Variants in COL23A1 observed in about 807,000 individuals in gnomAD.
COL23A1 encodes collagen type XXIII alpha 1 chain.
A neutral mutation model predicts 99.3 loss-of-function variants in COL23A1; 97 were observed. The observed-to-expected ratio is 0.98, with a 90% CI of 0.83 to 1.16. COL23A1 has a LOEUF of 1.16. COL23A1 is among the 50% of genes most tolerant of loss of function. The pLI, the probability that COL23A1 is intolerant of heterozygous loss-of-function variation, is 0.00. For missense variants in COL23A1, 762 were observed against 757.4 expected (o/e 1.01, Z -0.07); for synonymous variants, 320 against 308.2 (o/e 1.04, Z -0.40).
At chr5:178,555,494 G>C (rs1762222282) in intron 2 of COL23A1, among the ~76,000 whole-genome samples, 1 of 152,194 alleles carries the variant, frequency 6.6e-6, no homozygotes. Flanking sequence ...GAAGAGCTGA[G>C]AGAGGAGAGC....
chr5:178,316,014 C>T (rs909532294), intron 2 of COL23A1, among the ~76,000 whole-genome samples: 24 of 152,146 alleles, frequency 1.6e-4, no homozygotes, highest in Admixed American at 1.4e-3. Context: ...TGTATTACTG[C>T]GGAAACTGTG....
chr5:178,252,502 A>G lies in COL23A1; in HGVS notation c.1014+42T>C, dbSNP rs779852843. On this transcript the variant is annotated intron_variant, in intron 17 of 28. Transcript: ENST00000390654. ...ACAGGAAGAGGGAGGTGGGCCCTGG[A>G]GACAAATGCTTGGGGGACCACATAG... 3.2e-6 allele frequency: 5 copies of G among 1,579,640 alleles called. No individual in the cohort carries two copies. The Admixed American group carries it at 5.2e-5, about 16-fold the overall frequency.
intron 1 of COL23A1, among the ~76,000 whole-genome samples, chr5:178,580,670 C>T (rs995672723): frequency 1.2e-4 from 19 of 152,164 alleles, no homozygotes; most frequent in Non-Finnish European, 2.2e-4. Context: ...GTTCACATAA[C>T]GACAAATCAC....
chr5:178,249,716 A>ACACACACACACACACTCACTCTCTCTCT, intron 18 of COL23A1, among the ~76,000 whole-genome samples: 3 of 92,808 alleles, frequency 3.2e-5, no homozygotes, highest in African/African-American at 8.5e-5. Context: ...ACACACACAC[A>ACACACACACACACACTCACTCTCTCTCT]CTCTCTCTCT....
chr5:178,505,544 C>T (rs1001113994), intron 2 of COL23A1, among the ~76,000 whole-genome samples: 1 of 152,148 alleles, frequency 6.6e-6, no homozygotes, highest in African/African-American at 2.4e-5. Flanking sequence ...AGCCACCATG[C>T]CCCTGCCTAA....
intron 2 of COL23A1, among the ~76,000 whole-genome samples, chr5:178,489,281 C>T (rs1381650213): frequency 6.6e-6 from 1 of 152,208 alleles, no homozygotes; most frequent in Admixed American, 6.5e-5. Flanking sequence ...TCCTCCTGCC[C>T]TTGGACATCA....
intron 2 of COL23A1, among the ~76,000 whole-genome samples, chr5:178,334,260 T>C (rs1760197981): frequency 1.3e-5 from 2 of 152,168 alleles, no homozygotes; most frequent in Non-Finnish European, 2.9e-5. Context: ...CAGTGCTGGG[T>C]GTGTCCACAT....
chr5:178,452,800 G>A (rs1767561593), intron 2 of COL23A1, among the ~76,000 whole-genome samples: 1 of 152,180 alleles, frequency 6.6e-6, no homozygotes, highest in Non-Finnish European at 1.5e-5. Flanking sequence ...AATACATGGA[G>A]GTGAGGGGAT....
At chr5:178,455,029 T>C (rs907670981) in intron 2 of COL23A1, among the ~76,000 whole-genome samples, 2 of 152,334 alleles carry the variant, frequency 1.3e-5, no homozygotes, top group Admixed American at 6.5e-5. Context: ...CTTCTCCCCA[T>C]GCACGTGACG....
At chr5:178,435,805 C>T (rs1331166529) in intron 2 of COL23A1, among the ~76,000 whole-genome samples, 1 of 152,206 alleles carries the variant, frequency 6.6e-6, no homozygotes, top group Non-Finnish European at 1.5e-5. Flanking sequence ...TCCCCCTCAA[C>T]TTCCCGGACC....
chr5:178,456,395 C>T (rs183787296), intron 2 of COL23A1, among the ~76,000 whole-genome samples: 104 of 152,190 alleles, frequency 6.8e-4, no homozygotes, highest in Non-Finnish European at 1.2e-3. Flanking sequence ...ATGAGAGAAA[C>T]AGTCAAAAAA....
intron 2 of COL23A1, among the ~76,000 whole-genome samples, chr5:178,360,349 A>C (rs1762109038): frequency 6.6e-6 from 1 of 152,194 alleles, no homozygotes; most frequent in South Asian, 2.1e-4. Context: ...AGATTGCAAA[A>C]TCTTTTCCCA....
intron 12 of COL23A1, among the ~76,000 whole-genome samples, chr5:178,258,385 A>C (rs1324616947): frequency 7.1e-6 from 1 of 139,968 alleles, no homozygotes; most frequent in Non-Finnish European, 1.5e-5. Flanking sequence ...CTCCTGGAAG[A>C]TGGGAGAGGT....
At chr5:178,536,808 T>C (rs1172157351) in intron 2 of COL23A1, among the ~76,000 whole-genome samples, 1 of 151,568 alleles carries the variant, frequency 6.6e-6, no homozygotes, top group African/African-American at 2.4e-5. Context: ...GCTGAGGGGG[T>C]GGAGGATGCA....
chr5:178,258,646 C>T (rs997771071), intron 12 of COL23A1, among the ~76,000 whole-genome samples: 3 of 152,110 alleles, frequency 2.0e-5, no homozygotes, highest in South Asian at 4.2e-4. Context: ...CAGCCTGCCT[C>T]GGCCTCCCAG....
chr5:178,273,138 C>G (rs912362106), intron 5 of COL23A1, among the ~76,000 whole-genome samples: 1 of 152,234 alleles, frequency 6.6e-6, no homozygotes, highest in African/African-American at 2.4e-5. Flanking sequence ...GCAACCAAGG[C>G]CCCCTGGATG....
In COL23A1 at chr5:178,310,375, C is replaced by T. The variant is rs939738341; in HGVS notation, c.362-3456G>A. 2.0e-5 allele frequency among the ~76,000 whole-genome samples: 3 copies of T among 152,218 alleles called. No individual in the cohort carries two copies. The highest frequency in any genetic ancestry group is 4.4e-5 in the Non-Finnish European group (3 of 68,022). On this transcript the variant is annotated intron_variant, in intron 2 of 28. Transcript: ENST00000390654. The surrounding 1 kb of genome is among the most constrained non-coding windows in gnomAD (Gnocchi z 4.3). Reference sequence around the variant, plus strand: ...GTTCAACATCTACTGGGTGCCAAGCCGGCTGCTCACCCAGTGAGCATGAAC... The same window carrying T: ...GTTCAACATCTACTGGGTGCCAAGCTGGCTGCTCACCCAGTGAGCATGAAC...
Position 178,242,139 on chromosome 5 carries a change from G to C in COL23A1, c.1495-11C>G. Reference sequence around the variant, plus strand: ...GACCCCTCGTTCTCCCTGTGCAGGAGGGGAGATGGTGGTATTGGTCATGGC... The same window carrying C: ...GACCCCTCGTTCTCCCTGTGCAGGACGGGAGATGGTGGTATTGGTCATGGC... On this transcript the variant is annotated splice_polypyrimidine_tract_variant and intron_variant, in intron 26 of 28. Coordinates refer to ENST00000390654, the MANE Select transcript of COL23A1 (RefSeq NM_173465.4). The C allele has an allele frequency of 1.3e-6, 2 of 1,550,352 alleles. No homozygotes were observed. The highest frequency in any genetic ancestry group is 1.7e-6 in the Non-Finnish European group (2 of 1,145,998).
At chr5:178,413,814 T>C (rs1561949961) in intron 2 of COL23A1, among the ~76,000 whole-genome samples, 1 of 152,164 alleles carries the variant, frequency 6.6e-6, no homozygotes, top group Non-Finnish European at 1.5e-5. Flanking sequence ...GCCTGAATCT[T>C]AGGGGAAGTG....
Sources: gnomAD v4.1 joint callset for allele counts (sites outside exome capture counted in the v4.1 genomes callset) on GRCh38, gnomAD v4.1.1 for gene constraint, Gnocchi (gnomAD v3.1) non-coding constraint, MANE v1.5 for transcripts, NCBI Gene and HGNC (gene_info 2026-07-23, HGNC 2026-07-21) for gene names.